Variants in ARAP2 observed in about 807,000 individuals in gnomAD.
ARAP2 encodes ArfGAP with RhoGAP domain, ankyrin repeat and PH domain 2.
ARAP2 carries 148 observed loss-of-function variants against 194.5 expected under a neutral mutation model. The ratio of observed to expected loss-of-function variants is 0.76; its 90% CI spans 0.67 to 0.87. ARAP2 has a LOEUF of 0.87. Ranked by LOEUF, ARAP2 falls within the 40% of genes least tolerant of loss-of-function variation. The probability of loss-of-function intolerance (pLI) is 0.00; values close to 1 mark genes in which losing one functional copy is unlikely to be tolerated. For synonymous variants in ARAP2, 695 were observed against 683.5 expected, an observed-to-expected ratio of 1.02 and a Z score of -0.26; for missense variants, 2,128 against 1,989.7, an observed-to-expected ratio of 1.07 and a Z score of -1.32.
At chr4:36,206,062 C>T (rs1459604550) in intron 6 of ARAP2, among the ~76,000 whole-genome samples, 1 of 152,220 alleles carries the variant, frequency 6.6e-6, no homozygotes, top group African/African-American at 2.4e-5. Context: ...CTTTCTGCAA[C>T]ACCTGCCTTC....
rs938651527 is a variant in ARAP2, at chr4:36,055,053, A to T, written n.321+2917T>A. On this transcript the variant is annotated intron_variant and non_coding_transcript_variant, in intron 2 of 12. Coordinates refer to the ARAP2 transcript ENST00000503225. ...TCTTTTAAAATACGTAATAACCCTA[A>T]GGGTTTTGTCATTTGTACAGTCAAC... Among the ~76,000 whole-genome samples the T allele has an allele frequency of 2.6e-5, 4 of 152,342 alleles. No homozygotes were observed. In the South Asian group the frequency reaches 6.2e-4, roughly 24 times the overall value.
chr4:36,165,547 CT>C (rs888896322), intron 10 of ARAP2, among the ~76,000 whole-genome samples: 3 of 150,652 alleles, frequency 2.0e-5, no homozygotes, highest in South Asian at 2.1e-4. Flanking sequence ...AGAATTGTGA[CT>C]TTTTTTTCAG....
chr4:36,022,077 A>G (rs1288982383), intron 5 of ARAP2, among the ~76,000 whole-genome samples: 1 of 152,182 alleles, frequency 6.6e-6, no homozygotes, highest in Non-Finnish European at 1.5e-5. Flanking sequence ...ACCTACGTAA[A>G]CATAGAAATG....
chr4:36,153,898 T>A (rs1253885033), intron 15 of ARAP2, among the ~76,000 whole-genome samples: 1 of 152,184 alleles, frequency 6.6e-6, no homozygotes, highest in Admixed American at 6.5e-5. Flanking sequence ...ATTATGTCAG[T>A]TATGTTGTTC....
rs1553937598 is a variant in ARAP2 at position 36,193,570 on chromosome 4, G to A, written c.1557+8C>T. ...AAGCAATTTTTGAAAACTGTAAAAT[G>A]TATTTACCTTCTCATTATTGTAGTA... On this transcript the variant is annotated splice_region_variant and intron_variant, in intron 7 of 32. Transcript: ENST00000303965. The A allele has an allele frequency of 6.4e-7, 1 of 1,573,886 alleles. No homozygotes were observed. The highest frequency in any genetic ancestry group is 8.6e-7 in the Non-Finnish European group (1 of 1,161,632).
chr4:36,034,841 G>A (rs1207892212), intron 5 of ARAP2, among the ~76,000 whole-genome samples: 1 of 152,118 alleles, frequency 6.6e-6, no homozygotes, highest in Non-Finnish European at 1.5e-5. Context: ...CACCTATTGG[G>A]ATAAGCATGA....
chr4:36,237,465 G>C (rs1005940568), intron 1 of ARAP2, among the ~76,000 whole-genome samples: 1 of 152,182 alleles, frequency 6.6e-6, no homozygotes, highest in Non-Finnish European at 1.5e-5. Flanking sequence ...AAGTCATGGG[G>C]GAGGATCCCT....
At chr4:36,072,818 C>CT (rs1425407273) in intron 32 of ARAP2, among the ~76,000 whole-genome samples, 1 of 152,032 alleles carries the variant, frequency 6.6e-6, no homozygotes, top group Non-Finnish European at 1.5e-5. Flanking sequence ...ATTTTTGAAG[C>CT]TTTTCTCTTT....
rs1751041738 is a variant in ARAP2 at position 36,229,649 on chromosome 4, G to GA, written c.-159-5dup. 6.4e-6 allele frequency: 3 copies of GA among 466,734 alleles called. No individual in the cohort carries two copies. Among genetic ancestry groups the GA allele is most frequent in the East Asian group, 3.2e-5 (1 of 30,914 alleles). 28.9% of individuals were successfully genotyped at this position (466,734 alleles called of 1,614,324 possible). A position where few individuals can be genotyped will look rare whatever the true frequency, so the allele number is the denominator to read the frequency against. ...TGACTGCTTTACCTGCTTAAGCCTA[G>GA]AAAAAAATAAAAAATGATTCATTAG... is the stretch of plus-strand genomic sequence containing the variant. On this transcript the variant is annotated splice_polypyrimidine_tract_variant and splice_region_variant and intron_variant, in intron 1 of 32. Transcript: ENST00000303965.
At chr4:36,211,483 G>A (rs965202140) in intron 5 of ARAP2, among the ~76,000 whole-genome samples, 2 of 152,086 alleles carry the variant, frequency 1.3e-5, no homozygotes, top group Non-Finnish European at 2.9e-5. Context: ...AGATATGCCT[G>A]GGCTCAAATT....
rs749958328 is a variant in ARAP2 at position 36,133,385 on chromosome 4, A to G, written c.3268T>C (p.Leu1090=). The change falls in exon 20 of 33, where the codon TTA becomes CTA. Residue 1090 remains leucine (L), a synonymous_variant. Coordinates refer to ENST00000303965, the MANE Select transcript of ARAP2 (RefSeq NM_015230.4). ...VLLLVEKGRT[L]YIHGHTKLDF... ...AACTTGGTATGCCCATGGATGTATA[A>G]TGTTCTGTAAAGTTTAAAAAGCATT... The G allele has an allele frequency of 6.9e-6, 11 of 1,605,558 alleles. No individual in the cohort carries two copies. The highest frequency in any genetic ancestry group is 9.4e-6 in the Non-Finnish European group (11 of 1,176,218).
intron 9 of ARAP2, among the ~76,000 whole-genome samples, chr4:36,007,511 A>G (rs1220107043): frequency 6.6e-6 from 1 of 152,234 alleles, no homozygotes; most frequent in Non-Finnish European, 1.5e-5. Flanking sequence ...GCAAGCAAAG[A>G]TATTTCCTAT....
At position 36,213,234 on chromosome 4, in the gene ARAP2, G is replaced by A. The variant is rs1380686713; in HGVS notation, c.1041+9C>T. 1.0e-5 allele frequency: 16 copies of A among 1,559,934 alleles called. No homozygotes were observed. Among genetic ancestry groups the A allele is most frequent in the Non-Finnish European group, 1.4e-5 (16 of 1,134,210 alleles). ...ATTATGGAAAACAATTAAAATGTAT[G>A]GGACTAACCTTGGAATTTTCTAGTC... On this transcript the variant is annotated intron_variant, in intron 4 of 32. Coordinates refer to ENST00000303965, the MANE Select transcript of ARAP2 (RefSeq NM_015230.4).
chr4:36,148,540 G>T, intron 16 of ARAP2, 33 bp from the exon 17 acceptor site: 1 of 1,474,440 alleles, frequency 6.8e-7, no homozygotes, highest in Non-Finnish European at 9.4e-7. Context: ...GATACTACCA[G>T]TTATATTTAG....
At chr4:36,140,137 A>ACAC (rs1553917251) in intron 19 of ARAP2, among the ~76,000 whole-genome samples, 2 of 47,566 alleles carry the variant, frequency 4.2e-5, no homozygotes, top group African/African-American at 1.1e-4. Flanking sequence ...AAACAAAAAC[A>ACAC]ATACACACAC....
chr4:36,210,873 C>A (rs943784856), intron 5 of ARAP2, 130 bp from the exon 6 acceptor site: 13 of 676,156 alleles, frequency 1.9e-5, no homozygotes, highest in African/African-American at 1.7e-4. Flanking sequence ...TTTCCATTAA[C>A]CCTATTGAAA....
chr4:36,161,468 G>T lies in ARAP2; in HGVS notation c.2256C>A (p.Ile752=). The T allele has an allele frequency of 6.2e-7, 1 of 1,613,018 alleles. No individual in the cohort carries two copies. Among genetic ancestry groups the T allele is most frequent in the Non-Finnish European group, 8.5e-7 (1 of 1,179,236 alleles). The change falls in exon 12 of 33, where the codon ATC becomes ATA. Residue 752 remains isoleucine (I), a synonymous_variant. Transcript: ENST00000303965. ...ATTCAGGTTAAATAGGACTCACCTCGATGAGTTCATTGCTCCAAATGCTAG... is the reference window on the plus strand; with the variant it reads ...ATTCAGGTTAAATAGGACTCACCTCTATGAGTTCATTGCTCCAAATGCTAG... ...MDASIWSNEL[I]ELFIVIGNKR...
exon 8 of ARAP2, chr4:36,015,562 T>A (rs904237088): frequency 6.6e-6 from 1 of 152,250 alleles, no homozygotes. Flanking sequence ...ACAAGTTATA[T>A]CTTTCTCCAG....
intron 6 of ARAP2, among the ~76,000 whole-genome samples, chr4:36,208,205 C>T (rs1446137735): frequency 1.3e-5 from 2 of 152,122 alleles, no homozygotes; most frequent in Non-Finnish European, 2.9e-5. Flanking sequence ...GACATTTTAG[C>T]ATGAATTTGA....
Sources: allele counts gnomAD v4.1 joint callset (sites outside exome capture counted in the v4.1 genomes callset), GRCh38; gene constraint gnomAD v4.1.1; transcripts MANE v1.5; gene names NCBI Gene and HGNC (gene_info 2026-07-23, HGNC 2026-07-21).